Variants in CADM2 observed in about 807,000 individuals in gnomAD.
CADM2 encodes the protein immunoglobulin superfamily member 4D.
In CADM2, 12 loss-of-function variants were observed where a neutral mutation model predicts 49.8. The ratio of observed to expected loss-of-function variants is 0.24; its 90% CI spans 0.15 to 0.39. The LOEUF (loss-of-function observed/expected upper bound fraction) is 0.39. Ranked by LOEUF, CADM2 falls within the 10% of genes least tolerant of loss-of-function variation. The pLI is 1.00. For synonymous variants in CADM2, 214 were observed against 175.4 expected, an observed-to-expected ratio of 1.22 and a Z score of -1.74; for missense variants, 378 against 492.3, an observed-to-expected ratio of 0.77 and a Z score of 2.20.
chr3:85,851,049 TC>T (rs1234252637), intron 3 of CADM2, among the ~76,000 whole-genome samples: 1 of 152,150 alleles, frequency 6.6e-6, no homozygotes, highest in Non-Finnish European at 1.5e-5. Context: ...ACATGGCACT[TC>T]CAATGCAACC....
chr3:85,695,870 A>G (rs1412210244), intron 1 of CADM2, among the ~76,000 whole-genome samples: 1 of 152,146 alleles, frequency 6.6e-6, no homozygotes, highest in African/African-American at 2.4e-5. Flanking sequence ...TTTACAATCA[A>G]CCAGCAGCGT....
At chr3:85,003,314 A>G (rs2033564350) in intron 1 of CADM2, among the ~76,000 whole-genome samples, 1 of 152,204 alleles carries the variant, frequency 6.6e-6, no homozygotes, top group South Asian at 2.1e-4. Context: ...CTTGTTAAGT[A>G]AATAATACAT....
intron 1 of CADM2, among the ~76,000 whole-genome samples, chr3:85,442,777 A>G (rs969669596): frequency 6.6e-6 from 1 of 151,414 alleles, no homozygotes; most frequent in Admixed American, 6.6e-5. Context: ...AACCTAAGAC[A>G]ACCTGCATGA....
intron 1 of CADM2, among the ~76,000 whole-genome samples, chr3:85,089,634 A>C (rs2037517278): frequency 6.6e-6 from 1 of 152,206 alleles, no homozygotes; most frequent in South Asian, 2.1e-4. Context: ...AGGTTTAAGG[A>C]CTGAAAAGTA....
At chr3:85,308,843 GC>G (rs1251707679) in intron 1 of CADM2, among the ~76,000 whole-genome samples, 2 of 151,958 alleles carry the variant, frequency 1.3e-5, no homozygotes, top group Non-Finnish European at 2.9e-5. Flanking sequence ...AGTAAGATAG[GC>G]AACTACGTCT....
At chr3:85,651,984 C>CTTT (rs75263402) in intron 1 of CADM2, among the ~76,000 whole-genome samples, 2 of 105,464 alleles carry the variant, frequency 1.9e-5, no homozygotes, top group African/African-American at 3.6e-5. Flanking sequence ...CGCCCGGCTA[C>CTTT]TTTTTTTTTT....
At chr3:85,218,444 T>C (rs2041978311) in intron 1 of CADM2, among the ~76,000 whole-genome samples, 1 of 152,112 alleles carries the variant, frequency 6.6e-6, no homozygotes, top group African/African-American at 2.4e-5. Flanking sequence ...CCCTCAGTGC[T>C]CCAGGCGGCC....
At chr3:85,169,115 G>A (rs2040551644) in intron 1 of CADM2, among the ~76,000 whole-genome samples, 3 of 152,074 alleles carry the variant, frequency 2.0e-5, no homozygotes, top group Admixed American at 2.0e-4. Flanking sequence ...ACCAAGCCCA[G>A]CTAGTTTTGT....
At chr3:85,863,559 CCTT>C (rs1311928388) in intron 3 of CADM2, among the ~76,000 whole-genome samples, 1 of 152,168 alleles carries the variant, frequency 6.6e-6, no homozygotes, top group Admixed American at 6.5e-5. Flanking sequence ...ACTTGCTTGT[CCTT>C]CTGCTCTTCT....
intron 6 of CADM2, among the ~76,000 whole-genome samples, chr3:85,932,867 A>G (rs2108531350): frequency 6.6e-6 from 1 of 152,214 alleles, no homozygotes; most frequent in East Asian, 1.9e-4. Context: ...CTTAGAGCTT[A>G]TTTAGGTTAT....
At chr3:85,866,464 A>G (rs916272090) in intron 3 of CADM2, among the ~76,000 whole-genome samples, 1 of 152,090 alleles carries the variant, frequency 6.6e-6, no homozygotes, top group Non-Finnish European at 1.5e-5. Flanking sequence ...CATTCCTTCC[A>G]TAGCCCTGAT....
chr3:85,919,045 G>A (rs1718755814), intron 6 of CADM2, among the ~76,000 whole-genome samples: 1 of 151,926 alleles, frequency 6.6e-6, no homozygotes, highest in South Asian at 2.1e-4. Flanking sequence ...GCAAGAGACA[G>A]AAAACTAAAA....
chr3:85,409,370 T>A (rs1441449598), intron 1 of CADM2, among the ~76,000 whole-genome samples: 1 of 152,080 alleles, frequency 6.6e-6, no homozygotes, highest in Non-Finnish European at 1.5e-5. Flanking sequence ...AAAATGGGAA[T>A]TTTTCTGGTC....
chr3:85,103,813 A>G (rs1398239676), intron 1 of CADM2, among the ~76,000 whole-genome samples: 1 of 152,158 alleles, frequency 6.6e-6, no homozygotes, highest in African/African-American at 2.4e-5. Context: ...GTGGAAATTC[A>G]GATTGGGGAA....
chr3:85,743,768 T>A (rs1472797460), intron 2 of CADM2, among the ~76,000 whole-genome samples: 1 of 152,116 alleles, frequency 6.6e-6, no homozygotes, highest in Non-Finnish European at 1.5e-5. Flanking sequence ...AAGGTTAAAA[T>A]CACCTCAAAA....
chr3:85,165,162 A>G (rs893626128), intron 1 of CADM2, among the ~76,000 whole-genome samples: 3 of 151,988 alleles, frequency 2.0e-5, no homozygotes, highest in Non-Finnish European at 4.4e-5. Flanking sequence ...TCATAAATTT[A>G]TGGCTAACTC....
At chr3:85,634,466 G>T (rs181653707) in intron 1 of CADM2, among the ~76,000 whole-genome samples, 1 of 151,678 alleles carries the variant, frequency 6.6e-6, no homozygotes, top group African/African-American at 2.4e-5. Flanking sequence ...GAACCTAATT[G>T]CTGGTTCTAA....
chr3:85,186,537 A>G (rs571726272), intron 1 of CADM2, among the ~76,000 whole-genome samples: 117 of 152,254 alleles, frequency 7.7e-4, no homozygotes, highest in Admixed American at 1.4e-3. Context: ...GTATAAAGAA[A>G]TAAACATTAT....
At chr3:85,321,644 C>T (rs542256200) in intron 1 of CADM2, among the ~76,000 whole-genome samples, 6 of 152,088 alleles carry the variant, frequency 3.9e-5, no homozygotes, top group South Asian at 4.1e-4. Context: ...ATTAACTTTT[C>T]GTAAATTTGG....
Sources: gnomAD v4.1 joint callset for allele counts (sites outside exome capture counted in the v4.1 genomes callset) on GRCh38, gnomAD v4.1.1 for gene constraint, MANE v1.5 for transcripts, NCBI Gene and HGNC (gene_info 2026-07-23, HGNC 2026-07-21) for gene names.